GRID2: variants seen among roughly 807,000 people sequenced by gnomAD.
GRID2 encodes the protein glutamate receptor ionotropic, delta-2.
Under a neutral mutation model 114.8 loss-of-function variants are expected in GRID2, and 33 were observed. The observed-to-expected ratio is 0.29, with a 90% confidence interval of 0.22 to 0.38. GRID2 has a LOEUF of 0.38. Ranked by LOEUF, GRID2 falls within the 10% of genes least tolerant of loss-of-function variation. The probability of loss-of-function intolerance (pLI) is 1.00; values close to 1 mark genes in which losing one functional copy is unlikely to be tolerated. For missense variants in GRID2, 1,184 were observed against 1,257.7 expected, an observed-to-expected ratio of 0.94 and a Z score of 0.89; for synonymous variants, 505 against 449.9, an observed-to-expected ratio of 1.12 and a Z score of -1.55.
At chr4:93,796,870 A>C (rs1423052878) in intron 1 of GRID2, among the ~76,000 whole-genome samples, 1 of 152,126 alleles carries the variant, frequency 6.6e-6, no homozygotes, top group African/African-American at 2.4e-5. Context: ...ACTTGTAAAG[A>C]GTGTTAAGCT....
chr4:93,605,862 A>G (rs1740177360), intron 13 of GRID2, among the ~76,000 whole-genome samples: 1 of 152,232 alleles, frequency 6.6e-6, no homozygotes, highest in South Asian at 2.1e-4. Context: ...ATAGGATCAT[A>G]TAAGGGGACA....
At chr4:93,315,757 T>C (rs770238557) in intron 8 of GRID2, among the ~76,000 whole-genome samples, 4 of 152,166 alleles carry the variant, frequency 2.6e-5, no homozygotes, top group Non-Finnish European at 4.4e-5. Flanking sequence ...AATGCACTAG[T>C]TACATACTCT....
chr4:93,097,334 TAAA>T (rs1560875109), intron 3 of GRID2, among the ~76,000 whole-genome samples: 7 of 148,692 alleles, frequency 4.7e-5, no homozygotes, highest in African/African-American at 7.4e-5. Context: ...ACAAAAAAGG[TAAA>T]GGAAAGGAAA....
At chr4:93,717,608 TG>T in intron 14 of GRID2, among the ~76,000 whole-genome samples, 1 of 152,292 alleles carries the variant, frequency 6.6e-6, no homozygotes, top group East Asian at 1.9e-4. Context: ...TTTTCTTTTT[TG>T]TGTGTATTTT....
At chr4:93,414,691 A>G (rs1223368705) in intron 9 of GRID2, among the ~76,000 whole-genome samples, 1 of 149,674 alleles carries the variant, frequency 6.7e-6, no homozygotes, top group Non-Finnish European at 1.5e-5. Context: ...CATTTTATAT[A>G]TATATATATA....
chr4:92,734,858 A>G (rs1579937985), intron 2 of GRID2, among the ~76,000 whole-genome samples: 1 of 148,072 alleles, frequency 6.8e-6, no homozygotes, highest in African/African-American at 2.5e-5. Flanking sequence ...GGCTCAGTGC[A>G]GCCTTGTCCT....
intron 2 of GRID2, among the ~76,000 whole-genome samples, chr4:93,008,463 T>C (rs1049600125): frequency 7.9e-5 from 12 of 152,144 alleles, no homozygotes; most frequent in Non-Finnish European, 1.3e-4. Context: ...ATTTTCTTTC[T>C]TTCTGACTTT....
intron 2 of GRID2, among the ~76,000 whole-genome samples, chr4:92,728,464 C>T (rs1310024938): frequency 1.3e-5 from 2 of 152,022 alleles, no homozygotes; most frequent in Non-Finnish European, 2.9e-5. Context: ...TGTTGACAAT[C>T]CTCAGTCCTT....
intron 14 of GRID2, among the ~76,000 whole-genome samples, chr4:93,763,759 C>G (rs143973465): frequency 7.2e-5 from 11 of 152,290 alleles, no homozygotes; most frequent in African/African-American, 2.4e-4. Flanking sequence ...GCGTCTTCAT[C>G]CATAAAATGG....
chr4:93,144,559 A>G (rs1192016390), intron 4 of GRID2, among the ~76,000 whole-genome samples: 1 of 152,158 alleles, frequency 6.6e-6, no homozygotes, highest in Non-Finnish European at 1.5e-5. Flanking sequence ...GGTTCCTAGT[A>G]AGGGGTGAGA....
rs1172239351 is a variant in GRID2, at chr4:92,572,474, C to A, written c.89-17657C>A. Among the ~76,000 whole-genome samples the A allele has an allele frequency of 2.0e-5, 3 of 152,260 alleles. No homozygotes were observed. In the East Asian group the frequency reaches 5.8e-4, roughly 29 times the overall value. ...CTGAGGTACAAGGAGGAGCTGGTAC[C>A]ATTCCTTCTGAAATGATTCCAATCA... On this transcript the variant is annotated intron_variant, in intron 1 of 15. Transcript: ENST00000282020.
chr4:93,212,169 A>T (rs1268156707), intron 5 of GRID2, among the ~76,000 whole-genome samples: 1 of 152,138 alleles, frequency 6.6e-6, no homozygotes, highest in Admixed American at 6.6e-5. Flanking sequence ...GAACGTGGAG[A>T]ACATGAATCT....
chr4:92,435,122 A>G (rs989691328), intron 1 of GRID2, among the ~76,000 whole-genome samples: 5 of 152,088 alleles, frequency 3.3e-5, no homozygotes, highest in East Asian at 1.9e-4. Flanking sequence ...ACTGAGCCCT[A>G]TGTAAGTGGG....
intron 1 of GRID2, among the ~76,000 whole-genome samples, chr4:92,513,936 G>A (rs1156642752): frequency 6.6e-6 from 1 of 151,884 alleles, no homozygotes; most frequent in Non-Finnish European, 1.5e-5. Context: ...GGATTTTGAA[G>A]ACGAATTGAA....
intron 2 of GRID2, among the ~76,000 whole-genome samples, chr4:92,794,861 A>C (rs1739773384): frequency 7.8e-6 from 1 of 128,718 alleles, no homozygotes; most frequent in South Asian, 2.4e-4. Context: ...GAGTCATTTA[A>C]TAAATAATTG....
rs2110342416 is a variant in GRID2 at position 93,772,738 on chromosome 4, G to A, written c.*240G>A. 2.0e-6 allele frequency: 1 copy of A among 499,854 alleles called. No homozygotes were observed. The highest frequency in any genetic ancestry group is 3.6e-5 in the South Asian group (1 of 27,910). 31.0% of individuals were successfully genotyped at this position (499,854 alleles called of 1,614,324 possible). On this transcript the variant is annotated 3_prime_UTR_variant, in exon 16 of 16. Coordinates refer to ENST00000282020, the MANE Select transcript of GRID2 (RefSeq NM_001510.4). ...TTTCATTACTCAACTTGTTCCCCAA[G>A]AAGGTAGTGTACTAGGATCCTATTA...
At chr4:93,314,382 A>G (rs1756361431) in intron 8 of GRID2, among the ~76,000 whole-genome samples, 1 of 151,758 alleles carries the variant, frequency 6.6e-6, no homozygotes, top group African/African-American at 2.4e-5. Flanking sequence ...TACAAGACCC[A>G]ACATCATAAG....
At chr4:92,336,954 G>GTT (rs59093874) in intron 1 of GRID2, among the ~76,000 whole-genome samples, 4,157 of 78,152 alleles carry the variant, frequency 0.053, 194 homozygotes, top group African/African-American at 0.059. Flanking sequence ...TTTCGTTGTT[G>GTT]TTTTTTTTTT....
Position 93,772,585 on chromosome 4 carries a change from ACGTTT to A in GRID2, c.*88_*92del. The A allele has an allele frequency of 3.2e-6, 3 of 932,292 alleles. No homozygotes were observed. The highest frequency in any genetic ancestry group is 4.8e-6 in the Non-Finnish European group (3 of 618,582). 57.8% of individuals were successfully genotyped at this position (932,292 alleles called of 1,614,324 possible). On this transcript the variant is annotated 3_prime_UTR_variant, in exon 16 of 16. Transcript: ENST00000282020. Reference sequence around the variant, plus strand: ...ATATTGTGGGACTAACATGGATGTAACGTTTAAAAAAAAGATCAGGATTATTAGTA... The same window carrying A: ...ATATTGTGGGACTAACATGGATGTAAAAAAAAAAGATCAGGATTATTAGTA...
Sources: gnomAD v4.1 joint callset for allele counts (sites outside exome capture counted in the v4.1 genomes callset) on GRCh38, gnomAD v4.1.1 for gene constraint, MANE v1.5 for transcripts, NCBI Gene and HGNC (gene_info 2026-07-23, HGNC 2026-07-21) for gene names.